Variants in SLC6A20 observed in about 807,000 individuals in gnomAD.
SLC6A20 encodes sodium- and chloride-dependent transporter XTRP3.
SLC6A20 carries 73 observed loss-of-function variants against 64.3 expected under a neutral mutation model. That is an observed-to-expected ratio of 1.14 (90% CI 0.94 to 1.38). SLC6A20 has a LOEUF of 1.38. Among genes scored for constraint, SLC6A20 ranks in the 40% most tolerant of loss-of-function variants. The pLI is 0.00. For missense variants in SLC6A20, 725 were observed against 772.8 expected, an observed-to-expected ratio of 0.94 and a Z score of 0.73; for synonymous variants, 347 against 329.6, an observed-to-expected ratio of 1.05 and a Z score of -0.57.
chr3:45,796,170 T>C, intron 1 of SLC6A20, 129 bp downstream of exon 1: 1 of 1,475,222 alleles, frequency 6.8e-7, no homozygotes, highest in South Asian at 1.4e-5. Flanking sequence ...GGTCTGTAAC[T>C]TCGGACAAAT....
chr3:45,763,114 C>A, intron 8 of SLC6A20, 42 bp from the exon 9 acceptor site: 1 of 1,610,194 alleles, frequency 6.2e-7, no homozygotes, highest in Non-Finnish European at 8.5e-7. Context: ...CCGAGACCCC[C>A]CCACTACTGC....
In SLC6A20 at chr3:45,771,389, C is replaced by A. The variant is rs778506372; in HGVS notation, c.763G>T (p.Gly255Cys). 2 of 1,614,176 alleles carry A rather than the reference C, an allele frequency of 1.2e-6. No homozygotes were observed. The highest frequency in any genetic ancestry group is 1.7e-6 in the Non-Finnish European group (2 of 1,180,030). The change falls in exon 6 of 11, where the codon GGC (glycine) becomes TGC (cysteine). Residue 255 changes from glycine (G) to cysteine (C), a missense_variant. Transcript: ENST00000358525. ...GCGAAGGCGATCAGGCTGCCGAAGC[C>A]CAGGCCAAGTGAGAAGAAGATCTGG... ...ATQIFFSLGL[G>C]FGSLIAFASY...
chr3:45,774,128 C>A (rs184084973), intron 4 of SLC6A20, among the ~76,000 whole-genome samples: 2 of 152,312 alleles, frequency 1.3e-5, no homozygotes, highest in East Asian at 3.9e-4. Context: ...AAAGTCGATT[C>A]CAACAGAGGA....
chr3:45,794,547 G>A (rs1700315919), intron 1 of SLC6A20, among the ~76,000 whole-genome samples: 1 of 152,142 alleles, frequency 6.6e-6, no homozygotes, highest in African/African-American at 2.4e-5. Flanking sequence ...ATTACTTCTT[G>A]TTTCTTTTTC....
intron 1 of SLC6A20, among the ~76,000 whole-genome samples, chr3:45,782,430 C>T: frequency 6.6e-6 from 1 of 151,998 alleles, no homozygotes; most frequent in East Asian, 1.9e-4. Flanking sequence ...TGCTGCCATT[C>T]CTCTCATCTA....
chr3:45,775,961 G>A lies in SLC6A20; in HGVS notation c.382C>T (p.Leu128=), dbSNP rs772850724. The A allele has an allele frequency of 6.2e-7, 1 of 1,614,106 alleles. No individual in the cohort carries two copies. The highest frequency in any genetic ancestry group is 1.1e-5 in the South Asian group (1 of 91,094). The stretch of plus-strand genomic sequence containing the variant: ...TCGTAGCCCGTGTGGTTACCATTCA[G>A]TGGGCAGACAGACCACGGCAGGGGA... ...QDPLPWSVCP[L]NGNHTGYDEE... The change falls in exon 4 of 11, where the codon CTG becomes TTG. Residue 128 remains leucine (L), a synonymous_variant. Transcript: ENST00000358525.
At position 45,759,962 on chromosome 3, in the gene SLC6A20, CA is replaced by C. The variant is rs1379760897; in HGVS notation, c.1523del (p.Met508SerfsTer5). The C allele has an allele frequency of 6.2e-7, 1 of 1,614,200 alleles. No homozygotes were observed. Among genetic ancestry groups the C allele is most frequent in the East Asian group, 2.2e-5 (1 of 44,876 alleles). On this transcript the variant is annotated frameshift_variant, in exon 10 of 11. Transcript: ENST00000358525. LOFTEE classifies it high-confidence loss of function. ...GRAVSWYWKV[M>X]WAGVSPLLIV... ...TCAGCAGTGGGCTTACGCCAGCCCA[CA>C]TCACCTTCCAGTACCAGCTCACAGC...
At chr3:45,785,784 C>T (rs1368742177) in intron 1 of SLC6A20, among the ~76,000 whole-genome samples, 1 of 152,172 alleles carries the variant, frequency 6.6e-6, no homozygotes, top group African/African-American at 2.4e-5. Context: ...AGTCTATTCC[C>T]CACACTGTGA....
rs149175344 is a variant in SLC6A20 at position 45,758,430 on chromosome 3, T to C, written c.*548A>G. Reference sequence around the variant, plus strand: ...CTTTGGGGGTCCCAGACAAAGATCTTCTTTCTTTATAACTTGTCATCCTAA... The same window carrying C: ...CTTTGGGGGTCCCAGACAAAGATCTCCTTTCTTTATAACTTGTCATCCTAA... On this transcript the variant is annotated 3_prime_UTR_variant, in exon 11 of 11. Coordinates refer to ENST00000358525, the MANE Select transcript of SLC6A20 (RefSeq NM_020208.4). 2.4e-3 allele frequency: 3,047 copies of C among 1,277,428 alleles called. 67 individuals carry two copies. In the South Asian group the frequency reaches 0.03, roughly 13 times the overall value. 79.1% of individuals were successfully genotyped at this position (1,277,428 alleles called of 1,614,324 possible). A position where few individuals can be genotyped will look rare whatever the true frequency, so the allele number is the denominator to read the frequency against.
At chr3:45,761,075 C>T (rs1181608232) in intron 9 of SLC6A20, among the ~76,000 whole-genome samples, 2 of 152,246 alleles carry the variant, frequency 1.3e-5, no homozygotes, top group Non-Finnish European at 2.9e-5. Context: ...GTGTGGCGAC[C>T]ACCACCTGCC....
At chr3:45,779,983 G>C in intron 3 of SLC6A20, 26 bp downstream of exon 3, 2 of 1,577,470 alleles carry the variant, frequency 1.3e-6, no homozygotes, top group South Asian at 2.3e-5. Flanking sequence ...TCCTACTCCT[G>C]TTCTGGCACG....
At position 45,757,436 on chromosome 3, in the gene SLC6A20, T is replaced by A. The variant is rs1465610084; in HGVS notation, c.*1542A>T. 5 of 152,308 alleles carry A rather than the reference T, an allele frequency of 3.3e-5. No individual in the cohort carries two copies. Among genetic ancestry groups the A allele is most frequent in the Non-Finnish European group, 7.3e-5 (5 of 68,114 alleles). The allele number at this position is 152,308 out of a possible 1,614,324, so 9.4% of individuals were successfully genotyped here. A position where few individuals can be genotyped will look rare whatever the true frequency, so the allele number is the denominator to read the frequency against. On this transcript the variant is annotated 3_prime_UTR_variant, in exon 11 of 11. Transcript: ENST00000358525. Reference sequence around the variant, plus strand: ...GGCAGAGGTCCCTGCAGCTTTCTGCTGTGCATTGTGTCCCTGGTTAATCGA... The same window carrying A: ...GGCAGAGGTCCCTGCAGCTTTCTGCAGTGCATTGTGTCCCTGGTTAATCGA...
chr3:45,795,270 T>C (rs1259123885), intron 1 of SLC6A20, among the ~76,000 whole-genome samples: 5 of 152,222 alleles, frequency 3.3e-5, no homozygotes, highest in Non-Finnish European at 7.3e-5. Flanking sequence ...CAAATCCATT[T>C]TATATAGCTT....
intron 9 of SLC6A20, among the ~76,000 whole-genome samples, chr3:45,761,390 G>A (rs866867085): frequency 7.9e-5 from 12 of 152,128 alleles, no homozygotes; most frequent in Middle Eastern, 3.2e-3. Flanking sequence ...TCCAAGGCAC[G>A]TTTGTTTCTG....
At chr3:45,762,861 G>A in intron 9 of SLC6A20, 52 bp downstream of exon 9, 1 of 1,601,672 alleles carries the variant, frequency 6.2e-7, no homozygotes, top group Non-Finnish European at 8.5e-7. Flanking sequence ...GAGGGGCGTG[G>A]CCTCTGTGGC....
chr3:45,772,335 G>A (rs1345251252), intron 5 of SLC6A20, 170 bp downstream of exon 5: 2 of 560,500 alleles, frequency 3.6e-6, no homozygotes, highest in African/African-American at 3.9e-5. Flanking sequence ...CTGAGGAGGT[G>A]ATCCAGTGAC....
In SLC6A20 at chr3:45,775,869, C is replaced by T. The variant is rs144005468; in HGVS notation, c.474G>A (p.Pro158=). Residue 158 remains proline, a synonymous_variant, in exon 4 of 11, where the codon CCG becomes CCA. Coordinates refer to ENST00000358525, the MANE Select transcript of SLC6A20 (RefSeq NM_020208.4). ...GCACACCCCCGTTCTCCTGGAGGGA[C>T]GGCGAGATATTGAGGGTTTTCCTGT... The part of the protein sequence containing the change: ...FWYRKTLNIS[P]SLQENGGVQW... 2.4e-5 allele frequency: 39 copies of T among 1,614,050 alleles called. No individual in the cohort carries two copies. The highest frequency in any genetic ancestry group is 2.0e-4 in the South Asian group (18 of 91,092).
chr3:45,778,381 A>G (rs1250181676), intron 3 of SLC6A20, among the ~76,000 whole-genome samples: 1 of 152,246 alleles, frequency 6.6e-6, no homozygotes, highest in Non-Finnish European at 1.5e-5. Context: ...GAATGTCTGC[A>G]GCTACTATTC....
intron 3 of SLC6A20, among the ~76,000 whole-genome samples, chr3:45,778,004 C>G (rs1699999794): frequency 6.6e-6 from 1 of 152,222 alleles, no homozygotes; most frequent in Non-Finnish European, 1.5e-5. Context: ...AGTGTGCAGC[C>G]AGGTTGAAGA....
Sources: allele counts gnomAD v4.1 joint callset (sites outside exome capture counted in the v4.1 genomes callset), GRCh38; gene constraint gnomAD v4.1.1; transcripts MANE v1.5; gene names NCBI Gene and HGNC (gene_info 2026-07-23, HGNC 2026-07-21).